QRFPR: variants seen among roughly 807,000 people sequenced by gnomAD.
QRFPR encodes pyroglutamylated RFamide peptide receptor, also known as pyroglutamylated RF-amide peptide receptor.
Under a neutral mutation model 31.3 loss-of-function variants are expected in QRFPR, and 37 were observed. The ratio of observed to expected loss-of-function variants is 1.18; its 90% CI spans 0.91 to 1.56. The LOEUF (loss-of-function observed/expected upper bound fraction) is 1.56, where lower values mean the gene tolerates loss of function less well. Among genes scored for constraint, QRFPR ranks in the 40% most tolerant of loss-of-function variants. The pLI is 0.00. For missense variants in QRFPR, 542 were observed against 532.5 expected, an observed-to-expected ratio of 1.02 and a Z score of -0.18; for synonymous variants, 197 against 192.0, an observed-to-expected ratio of 1.03 and a Z score of -0.22.
intron 1 of QRFPR, among the ~76,000 whole-genome samples, chr4:121,358,559 G>A (rs1194096702): frequency 1.3e-5 from 2 of 151,888 alleles, no homozygotes; most frequent in Non-Finnish European, 2.9e-5. Context: ...TTATTTCTTT[G>A]TTTCTGAATC....
chr4:121,364,215 T>C (rs1346314100), intron 1 of QRFPR, among the ~76,000 whole-genome samples: 1 of 149,752 alleles, frequency 6.7e-6, no homozygotes, highest in Non-Finnish European at 1.5e-5. Flanking sequence ...CACTCTACAA[T>C]TGGGCATGTC....
At chr4:121,358,509 C>A (rs1466415287) in intron 1 of QRFPR, among the ~76,000 whole-genome samples, 2 of 152,124 alleles carry the variant, frequency 1.3e-5, no homozygotes, top group South Asian at 4.1e-4. Context: ...AACTTCCATA[C>A]ATATTTTATT....
At chr4:121,346,819 T>C (rs1475254536) in intron 1 of QRFPR, among the ~76,000 whole-genome samples, 1 of 152,194 alleles carries the variant, frequency 6.6e-6, no homozygotes, top group Non-Finnish European at 1.5e-5. Flanking sequence ...TTGATGGATA[T>C]GGTAGATTAC....
Position 121,380,630 on chromosome 4 carries a change from AAT to A in QRFPR, c.16_17del (p.Ile6TyrfsTer85), listed in dbSNP as rs748381003. ...GCAGCCGAGAGAACTGCTCCGGGGT[AAT>A]GTTAAGCGCCTGCATTGCTGTGCGC... Reference protein sequence around the residue: MQALNITPEQFSRLLR... With the variant: MQALNXTPEQFSRLLR... On this transcript the variant is annotated frameshift_variant, in exon 1 of 6. Transcript: ENST00000394427. LOFTEE classifies it high-confidence loss of function. 3.8e-6 allele frequency: 6 copies of A among 1,574,642 alleles called. No homozygotes were observed. Among genetic ancestry groups the A allele is most frequent in the African/African-American group, 1.3e-5 (1 of 74,110 alleles).
At chr4:121,335,472 A>C (rs1040714769) in intron 3 of QRFPR, among the ~76,000 whole-genome samples, 1 of 150,318 alleles carries the variant, frequency 6.7e-6, no homozygotes, top group African/African-American at 2.5e-5. Context: ...CACAGGCAAT[A>C]CTGTCACACC....
rs1560743830 is a variant in QRFPR at position 121,365,574 on chromosome 4, ATATATAT to A, written c.340+14727_340+14733del. ...TAATATATAATATATATTATATATA[ATATATAT>A]TATATATATTATATATATATAATAT... On this transcript the variant is annotated intron_variant, in intron 1 of 5. Coordinates refer to ENST00000394427, the MANE Select transcript of QRFPR (RefSeq NM_198179.3). Among the ~76,000 whole-genome samples the A allele has an allele frequency of 2.2e-3, 43 of 19,628 alleles. 3 individuals carry two copies. The highest frequency in any genetic ancestry group is 0.013 in the African/African-American group (35 of 2,772). 12.9% of individuals were successfully genotyped at this position (19,628 alleles called of 152,430 possible).
At chr4:121,361,045 T>C (rs1725979864) in intron 1 of QRFPR, among the ~76,000 whole-genome samples, 1 of 152,202 alleles carries the variant, frequency 6.6e-6, no homozygotes, top group South Asian at 2.1e-4. Flanking sequence ...AAAAATGCTA[T>C]GAAAATCTAT....
intron 1 of QRFPR, among the ~76,000 whole-genome samples, chr4:121,351,657 C>A (rs1296567424): frequency 6.6e-6 from 1 of 151,180 alleles, no homozygotes; most frequent in Non-Finnish European, 1.5e-5. Flanking sequence ...TTTTGTATAC[C>A]AGGAAAGAAA....
intron 1 of QRFPR, among the ~76,000 whole-genome samples, chr4:121,369,070 C>T (rs1025597540): frequency 1.3e-5 from 2 of 152,158 alleles, no homozygotes; most frequent in African/African-American, 2.4e-5. Context: ...ACTCTGTCGC[C>T]CAGGCTGGAG....
intron 1 of QRFPR, among the ~76,000 whole-genome samples, chr4:121,365,459 TAATAATA>T (rs1277564045): frequency 1.8e-4 from 2 of 10,854 alleles, no homozygotes; most frequent in Non-Finnish European, 3.0e-4. Flanking sequence ...ATCTCAAAAA[TAATAATA>T]AATAAATTAA....
chr4:121,347,951 A>C (rs988323388), intron 1 of QRFPR, among the ~76,000 whole-genome samples: 15 of 152,158 alleles, frequency 9.9e-5, no homozygotes, highest in African/African-American at 3.6e-4. Flanking sequence ...TCTCTAAAGC[A>C]TACCTTATTT....
rs764354455 is a variant in QRFPR at position 121,366,278 on chromosome 4, A to AT, written c.340+14029dup. ...ATTTTACTTACTATAAAAAATTAAG[A>AT]TTTTTTTTTAAAGGCTACAAATTCC... On this transcript the variant is annotated intron_variant, in intron 1 of 5. Transcript: ENST00000394427. Among the ~76,000 whole-genome samples the AT allele has an allele frequency of 3.2e-4, 48 of 149,118 alleles. 4 individuals are homozygous for AT. The highest frequency in any genetic ancestry group is 6.2e-4 in the African/African-American group (25 of 40,336).
intron 1 of QRFPR, among the ~76,000 whole-genome samples, chr4:121,356,559 T>G (rs145250386): frequency 1.3e-3 from 194 of 152,290 alleles, no homozygotes; most frequent in African/African-American, 4.4e-3. Flanking sequence ...TGAAAGGGCT[T>G]TCCACGTATT....
At chr4:121,380,090 A>C (rs1269827877) in intron 1 of QRFPR, among the ~76,000 whole-genome samples, 1 of 151,882 alleles carries the variant, frequency 6.6e-6, no homozygotes, top group African/African-American at 2.4e-5. Flanking sequence ...TGTCCAGGTG[A>C]ACACAGGTGG....
At chr4:121,345,933 T>A (rs1157622295) in intron 1 of QRFPR, among the ~76,000 whole-genome samples, 1 of 152,166 alleles carries the variant, frequency 6.6e-6, no homozygotes, top group Non-Finnish European at 1.5e-5. Context: ...TAAAAGGATC[T>A]GAATGGAAAG....
chr4:121,331,048 G>T (rs1725310934), intron 4 of QRFPR, among the ~76,000 whole-genome samples: 2 of 151,810 alleles, frequency 1.3e-5, no homozygotes, highest in South Asian at 4.2e-4. Flanking sequence ...GGAGAATTTA[G>T]TGAGTCCAGA....
chr4:121,353,904 G>T (rs758110831), intron 1 of QRFPR, among the ~76,000 whole-genome samples: 1 of 152,002 alleles, frequency 6.6e-6, no homozygotes, highest in African/African-American at 2.4e-5. Flanking sequence ...AGAGATAGGG[G>T]TCTAGTTTCA....
chr4:121,377,976 C>G (rs1395206229), intron 1 of QRFPR, among the ~76,000 whole-genome samples: 3 of 152,114 alleles, frequency 2.0e-5, no homozygotes, highest in Non-Finnish European at 4.4e-5. Context: ...ATATTGATCT[C>G]TAGCCCCTCT....
intron 1 of QRFPR, among the ~76,000 whole-genome samples, chr4:121,365,503 ATATATAATATATATTATATATATT>A (rs1726077261): frequency 1.4e-3 from 2 of 1,444 alleles, no homozygotes; most frequent in Non-Finnish European, 2.1e-3. Flanking sequence ...TATATATAAT[ATATATAATATATATTATATATATT>A]ATATATAATA....
Sources: gnomAD v4.1 joint callset for allele counts (sites outside exome capture counted in the v4.1 genomes callset) on GRCh38, gnomAD v4.1.1 for gene constraint, MANE v1.5 for transcripts, NCBI Gene and HGNC (gene_info 2026-07-23, HGNC 2026-07-21) for gene names.